Variants in STIM2 observed in about 807,000 individuals in gnomAD.
The protein encoded by STIM2 is stromal interaction molecule 2.
A neutral mutation model predicts 85.8 loss-of-function variants in STIM2; 31 were observed. The ratio of observed to expected loss-of-function variants is 0.36; its 90% CI spans 0.27 to 0.49. The LOEUF is 0.49. STIM2 is among the 20% of genes least tolerant of loss of function. STIM2 has a pLI of 0.98. For missense variants in STIM2, 841 were observed against 927.6 expected (o/e 0.91, Z 1.21); for synonymous variants, 356 against 331.1 (o/e 1.08, Z -0.82).
At chr4:27,007,849 T>A in intron 8 of STIM2, 149 bp downstream of exon 8, 1 of 830,244 alleles carries the variant, frequency 1.2e-6, no homozygotes, top group Non-Finnish European at 1.9e-6. Flanking sequence ...AAATAGACTC[T>A]AGTAATCATA....
intron 3 of STIM2, among the ~76,000 whole-genome samples, chr4:26,989,256 GTGGTCTA>G (rs1335038625): frequency 6.6e-6 from 1 of 152,124 alleles, no homozygotes; most frequent in Non-Finnish European, 1.5e-5. Context: ...AATTTTAAAG[GTGGTCTA>G]GATCAATTTT....
At chr4:26,861,530 C>G (rs1722194559) in intron 1 of STIM2, 161 bp downstream of exon 1, 1 of 1,116,488 alleles carries the variant, frequency 9.0e-7, no homozygotes, top group Non-Finnish European at 1.1e-6. Context: ...CCCTGCACTC[C>G]GGACGTCTTT....
At chr4:26,921,122 G>T (rs1485680312) in intron 2 of STIM2, among the ~76,000 whole-genome samples, 2 of 152,168 alleles carry the variant, frequency 1.3e-5, no homozygotes, top group Non-Finnish European at 2.9e-5. Context: ...ACGCCATGTG[G>T]AGTCACAGAA....
At chr4:27,010,677 AT>A (rs917384249) in intron 10 of STIM2, among the ~76,000 whole-genome samples, 31 of 150,652 alleles carry the variant, frequency 2.1e-4, no homozygotes, top group African/African-American at 7.0e-4. Context: ...AGCAGTTAAA[AT>A]TTTTTTTTTA....
At chr4:26,954,373 A>G (rs546886956) in intron 2 of STIM2, among the ~76,000 whole-genome samples, 6 of 125,594 alleles carry the variant, frequency 4.8e-5, no homozygotes, top group African/African-American at 1.1e-4. Flanking sequence ...AGGATTCCCT[A>G]TAGTAGGTTT....
chr4:26,962,052 C>T (rs1472164295), intron 3 of STIM2, among the ~76,000 whole-genome samples: 2 of 152,128 alleles, frequency 1.3e-5, no homozygotes, highest in Non-Finnish European at 2.9e-5. Context: ...CACCCAGCCT[C>T]CTTCTTTAGT....
intron 1 of STIM2, among the ~76,000 whole-genome samples, chr4:26,890,890 C>A (rs1723451359): frequency 2.0e-5 from 3 of 151,838 alleles, no homozygotes; most frequent in African/African-American, 7.3e-5. Flanking sequence ...CTCTAAGATC[C>A]TAAGGGTCTT....
At chr4:26,942,991 A>G (rs1208881579) in intron 2 of STIM2, among the ~76,000 whole-genome samples, 2 of 152,070 alleles carry the variant, frequency 1.3e-5, no homozygotes, top group African/African-American at 4.8e-5. Context: ...CTTGACTCAA[A>G]TCTCTTCTCT....
intron 2 of STIM2, among the ~76,000 whole-genome samples, chr4:26,954,285 C>T (rs1049520022): frequency 3.9e-5 from 6 of 152,202 alleles, no homozygotes; most frequent in East Asian, 1.9e-4. Flanking sequence ...TTAAAAGAAT[C>T]GTCTGAGCGA....
intron 1 of STIM2, among the ~76,000 whole-genome samples, chr4:26,886,044 A>G (rs1243677690): frequency 6.6e-6 from 1 of 151,746 alleles, no homozygotes; most frequent in East Asian, 1.9e-4. Flanking sequence ...TTGACAAACA[A>G]GGAAGTTGTG....
intron 1 of STIM2, among the ~76,000 whole-genome samples, chr4:26,863,509 C>A (rs1383107466): frequency 6.6e-6 from 1 of 151,968 alleles, no homozygotes; most frequent in African/African-American, 2.4e-5. Context: ...ACTATATGGC[C>A]TCTATAGGGC....
chr4:26,874,369 G>T, intron 1 of STIM2: 1 of 265,036 alleles, frequency 3.8e-6, no homozygotes, highest in Non-Finnish European at 7.8e-6. Context: ...CAAGAGTCTT[G>T]TCTGACCACT....
chr4:26,949,303 A>G (rs1725958752), intron 2 of STIM2, among the ~76,000 whole-genome samples: 1 of 152,174 alleles, frequency 6.6e-6, no homozygotes, highest in Non-Finnish European at 1.5e-5. Context: ...TAAAAGTAGC[A>G]ACTCCAGAAT....
At chr4:26,975,521 A>C (rs185781650) in intron 3 of STIM2, among the ~76,000 whole-genome samples, 2 of 152,336 alleles carry the variant, frequency 1.3e-5, no homozygotes, top group South Asian at 4.1e-4. Context: ...AGTTTGCTGC[A>C]GTTCCATTCC....
intron 1 of STIM2, among the ~76,000 whole-genome samples, chr4:26,886,408 T>A (rs1723253083): frequency 6.6e-6 from 1 of 152,172 alleles, no homozygotes; most frequent in Admixed American, 6.5e-5. Flanking sequence ...AGATGATAAA[T>A]GCAATGAAGG....
At chr4:26,881,294 C>T (rs1276935235) in intron 1 of STIM2, among the ~76,000 whole-genome samples, 3 of 151,964 alleles carry the variant, frequency 2.0e-5, no homozygotes, top group Admixed American at 6.6e-5. Flanking sequence ...GGTGACACCC[C>T]GTCTTTACTA....
chr4:26,941,464 G>C (rs1260259074), intron 2 of STIM2, among the ~76,000 whole-genome samples: 4 of 152,064 alleles, frequency 2.6e-5, no homozygotes, highest in African/African-American at 9.7e-5. Flanking sequence ...CAGAGCATAT[G>C]TTTGGTGATG....
At chr4:26,875,797 T>C (rs1045718547) in intron 1 of STIM2, among the ~76,000 whole-genome samples, 1 of 152,152 alleles carries the variant, frequency 6.6e-6, no homozygotes, top group Non-Finnish European at 1.5e-5. Context: ...TTGGGAAAAA[T>C]AGGCTTTAGA....
In STIM2 at chr4:26,950,187, A is replaced by G. The variant is rs778072887; in HGVS notation, c.283-7425A>G. ...AAAAAGAACCAGTGACAGCTATTTC[A>G]TGTTTTAAGCATTCAGACTAATTGT... On this transcript the variant is annotated intron_variant, in intron 2 of 11. Transcript: ENST00000467087. Among the ~76,000 whole-genome samples the G allele has an allele frequency of 4.0e-4, 61 of 152,328 alleles. No homozygotes were observed. The Middle Eastern group carries it at 0.01, about 25-fold the overall frequency.
Sources: allele counts gnomAD v4.1 joint callset (sites outside exome capture counted in the v4.1 genomes callset), GRCh38; gene constraint gnomAD v4.1.1; transcripts MANE v1.5; gene names NCBI Gene and HGNC (gene_info 2026-07-23, HGNC 2026-07-21).